The following GRIK3 variants were observed in gnomAD, a reference collection of about 807,000 sequenced individuals.
The protein encoded by GRIK3 is glutamate receptor ionotropic, kainate 3.
Under a neutral mutation model 102.5 loss-of-function variants are expected in GRIK3, and 29 were observed. The observed-to-expected ratio is 0.28, with a 90% CI of 0.21 to 0.39. The LOEUF (loss-of-function observed/expected upper bound fraction) is 0.39, where lower values mean the gene tolerates loss of function less well. GRIK3 is among the 10% of genes least tolerant of loss of function. The pLI, the probability that GRIK3 is intolerant of heterozygous loss-of-function variation, is 1.00. For missense variants in GRIK3, 908 were observed against 1,252.4 expected, an observed-to-expected ratio of 0.73 and a Z score of 4.15; for synonymous variants, 511 against 504.9, an observed-to-expected ratio of 1.01 and a Z score of -0.16.
At chr1:36,960,973 C>G (rs75492954) in intron 1 of GRIK3, among the ~76,000 whole-genome samples, 3,714 of 152,310 alleles carry the variant, frequency 0.024, 61 homozygotes, top group Middle Eastern at 0.088. Context: ...AGGTCACCAC[C>G]AAACAGCTTT....
intron 5 of GRIK3, 49 bp downstream of exon 5, chr1:36,869,699 C>A (rs371042557): frequency 3.6e-5 from 48 of 1,350,888 alleles, no homozygotes; most frequent in Non-Finnish European, 4.6e-5. Flanking sequence ...TGAACTTGAT[C>A]CATGAGAGTC....
intron 11 of GRIK3, among the ~76,000 whole-genome samples, chr1:36,820,824 T>C: frequency 6.6e-6 from 1 of 152,208 alleles, no homozygotes; most frequent in East Asian, 1.9e-4. Flanking sequence ...AGGGAAAAAA[T>C]GATTACTTAA....
At chr1:37,033,464 G>A (rs951924432) in intron 1 of GRIK3, among the ~76,000 whole-genome samples, 2 of 152,104 alleles carry the variant, frequency 1.3e-5, no homozygotes, top group African/African-American at 2.4e-5. Context: ...GTACCACCGA[G>A]GCCAAGGGCG....
chr1:36,991,787 A>G (rs539865378), intron 1 of GRIK3, among the ~76,000 whole-genome samples: 1 of 152,354 alleles, frequency 6.6e-6, no homozygotes, highest in East Asian at 1.9e-4. Context: ...TGATTGTAAC[A>G]GCAAAGGTTC....
At chr1:36,802,903 T>C (rs1450020702) in intron 15 of GRIK3, among the ~76,000 whole-genome samples, 1 of 152,056 alleles carries the variant, frequency 6.6e-6, no homozygotes, top group Non-Finnish European at 1.5e-5. Context: ...CAGAATGTCA[T>C]CCCTCCTTGC....
At chr1:37,003,452 A>G (rs1043997281) in intron 1 of GRIK3, among the ~76,000 whole-genome samples, 1 of 152,162 alleles carries the variant, frequency 6.6e-6, no homozygotes, top group African/African-American at 2.4e-5. Context: ...GGACATGCAT[A>G]TCTTTCTTCA....
chr1:36,883,656 C>T (rs1207909633), intron 2 of GRIK3, among the ~76,000 whole-genome samples: 1 of 152,180 alleles, frequency 6.6e-6, no homozygotes, highest in East Asian at 1.9e-4. Flanking sequence ...GGGTATGTCC[C>T]CTGGTCCCAC....
chr1:36,854,647 T>C (rs1006082771), intron 7 of GRIK3, among the ~76,000 whole-genome samples: 1 of 151,912 alleles, frequency 6.6e-6, no homozygotes, highest in Non-Finnish European at 1.5e-5. Flanking sequence ...AACTATGGAG[T>C]TGACTAGTTG....
rs1430774249 is a variant in GRIK3, at chr1:36,806,264, C to T, written c.2154G>A (p.Leu718=). The T allele has an allele frequency of 1.2e-6, 2 of 1,614,218 alleles. No homozygotes were observed. Among genetic ancestry groups the T allele is most frequent in the South Asian group, 1.1e-5 (1 of 91,082 alleles). ...WAFMSSKPSA[L]VKNNEEGIQR... The stretch of plus-strand genomic sequence containing the variant: ...GGATGCCCTCCTCGTTGTTCTTCAC[C>T]AGCGCCGATGGCTTGCTGCTCATGA... Residue 718 remains leucine, a synonymous_variant, in exon 14 of 16, where the codon CTG becomes CTA. Transcript: ENST00000373091. This position sits in a 1 kb window ranked among gnomAD's most constrained non-coding sequence, Gnocchi z 4.0.
rs1158471326 is a variant in GRIK3, at chr1:36,814,518, C to CA, written c.2091+2541_2091+2542insT. On this transcript the variant is annotated intron_variant, in intron 13 of 15. Transcript: ENST00000373091. The stretch of plus-strand genomic sequence containing the variant: ...TTATACACATACATAGACCCCCCCC[C>CA]CCCACACACAGAGACACATATGCAT... Among the ~76,000 whole-genome samples the CA allele has an allele frequency of 3.5e-3, 477 of 136,492 alleles. 7 individuals are homozygous for CA. Among genetic ancestry groups the CA allele is most frequent in the Admixed American group, 9.9e-3 (139 of 14,008 alleles). The allele number at this position is 136,492 out of a possible 152,430, so 89.5% of individuals were successfully genotyped here.
In GRIK3 at chr1:36,926,202, T is replaced by C. The variant is rs539973193; in HGVS notation, c.116-35106A>G. On this transcript the variant is annotated intron_variant, in intron 1 of 15. Coordinates refer to ENST00000373091, the MANE Select transcript of GRIK3 (RefSeq NM_000831.4). ...ACCCTTTGCCCCCTGCCCTAACTGT[T>C]TGTGGTCCTGACAAAAAGTTAGGCA... is the stretch of plus-strand genomic sequence containing the variant. Among the ~76,000 whole-genome samples the C allele has an allele frequency of 1.6e-4, 24 of 152,244 alleles. No homozygotes were observed. In the South Asian group the frequency reaches 4.6e-3, roughly 29 times the overall value.
intron 1 of GRIK3, among the ~76,000 whole-genome samples, chr1:36,988,245 C>A (rs1642327263): frequency 6.6e-6 from 1 of 152,100 alleles, no homozygotes; most frequent in Non-Finnish European, 1.5e-5. Context: ...GAGCCGAGGT[C>A]GCACCACTGC....
intron 10 of GRIK3, among the ~76,000 whole-genome samples, chr1:36,836,282 G>T (rs1320116162): frequency 6.6e-6 from 1 of 152,218 alleles, no homozygotes; most frequent in Admixed American, 6.5e-5. Flanking sequence ...TTGACATAAG[G>T]CCCTCCTCTC....
intron 2 of GRIK3, among the ~76,000 whole-genome samples, chr1:36,882,080 C>G (rs1640987471): frequency 6.6e-6 from 1 of 152,128 alleles, no homozygotes; most frequent in African/African-American, 2.4e-5. Flanking sequence ...AATCCCTGTC[C>G]CCCCATGCCC....
intron 1 of GRIK3, among the ~76,000 whole-genome samples, chr1:36,963,947 T>A (rs1642053661): frequency 6.6e-6 from 1 of 152,130 alleles, no homozygotes; most frequent in Non-Finnish European, 1.5e-5. Context: ...AAGTAGCTGG[T>A]GAGGATGAAG....
At chr1:36,883,378 C>G (rs1387004409) in intron 2 of GRIK3, among the ~76,000 whole-genome samples, 1 of 152,188 alleles carries the variant, frequency 6.6e-6, no homozygotes, top group African/African-American at 2.4e-5. Context: ...CTGGCTCCAT[C>G]CTGAACCATA....
chr1:36,894,040 A>G (rs1315141677), intron 1 of GRIK3, among the ~76,000 whole-genome samples: 1 of 152,176 alleles, frequency 6.6e-6, no homozygotes, highest in Non-Finnish European at 1.5e-5. Context: ...ATTACATTCT[A>G]CAAGATTCAC....
At chr1:36,888,045 T>C (rs1414391121) in intron 2 of GRIK3, among the ~76,000 whole-genome samples, 2 of 152,112 alleles carry the variant, frequency 1.3e-5, no homozygotes, top group Admixed American at 6.6e-5. Context: ...CTCCTAAGTA[T>C]ATACCCAACA....
intron 2 of GRIK3, among the ~76,000 whole-genome samples, chr1:36,884,073 G>T (rs982302860): frequency 6.6e-6 from 1 of 152,164 alleles, no homozygotes; most frequent in African/African-American, 2.4e-5. Context: ...AGTACAGAGG[G>T]TATCTCCTGG....
Sources: allele counts gnomAD v4.1 joint callset (sites outside exome capture counted in the v4.1 genomes callset), GRCh38; gene constraint gnomAD v4.1.1; non-coding constraint Gnocchi (gnomAD v3.1); transcripts MANE v1.5; gene names NCBI Gene and HGNC (gene_info 2026-07-23, HGNC 2026-07-21).